Variants in FOXP2 observed in about 807,000 individuals in gnomAD.
FOXP2 encodes forkhead box P2.
FOXP2 carries 12 observed loss-of-function variants against 115.8 expected under a neutral mutation model. The observed-to-expected ratio is 0.10, with a 90% CI of 0.07 to 0.17. The LOEUF is 0.17. Ranked by LOEUF, FOXP2 falls within the 10% of genes least tolerant of loss-of-function variation. FOXP2 has a pLI of 1.00. For synonymous variants in FOXP2, 328 were observed against 297.7 expected (o/e 1.10, Z -1.05); for missense variants, 629 against 843.5 (o/e 0.75, Z 3.15).
intron 2 of FOXP2, among the ~76,000 whole-genome samples, chr7:114,370,994 T>C (rs1180307677): frequency 6.6e-6 from 1 of 152,206 alleles, no homozygotes; most frequent in Non-Finnish European, 1.5e-5. Context: ...TATCTGGAGT[T>C]GTTCTCATAA....
chr7:114,141,245 G>C (rs1792200040), intron 1 of FOXP2, among the ~76,000 whole-genome samples: 1 of 152,226 alleles, frequency 6.6e-6, no homozygotes, highest in East Asian at 1.9e-4. Flanking sequence ...ACGAGTCCCA[G>C]GAAGCAGCAT....
intron 2 of FOXP2, among the ~76,000 whole-genome samples, chr7:114,338,353 AATAAT>A (rs1264572109): frequency 6.6e-6 from 1 of 150,996 alleles, no homozygotes; most frequent in Non-Finnish European, 1.5e-5. Context: ...TTTTATGAGC[AATAAT>A]AAGCTTTTCA....
At chr7:114,370,990 G>A (rs748524099) in intron 2 of FOXP2, among the ~76,000 whole-genome samples, 2 of 152,108 alleles carry the variant, frequency 1.3e-5, no homozygotes, top group Non-Finnish European at 2.9e-5. Context: ...TGCTTATCTG[G>A]AGTTGTTCTC....
chr7:114,562,677 G>A (rs913266766), intron 3 of FOXP2, among the ~76,000 whole-genome samples: 3 of 151,854 alleles, frequency 2.0e-5, no homozygotes, highest in Non-Finnish European at 4.4e-5. Context: ...ATTTCTCTGT[G>A]TGCCTTCCCT....
At chr7:114,617,323 T>C (rs922965924) in intron 3 of FOXP2, among the ~76,000 whole-genome samples, 1 of 152,222 alleles carries the variant, frequency 6.6e-6, no homozygotes, top group Non-Finnish European at 1.5e-5. Flanking sequence ...ACATCCTATA[T>C]ATTACTGTTA....
At chr7:114,437,643 A>G (rs1794415758) in intron 2 of FOXP2, among the ~76,000 whole-genome samples, 1 of 152,184 alleles carries the variant, frequency 6.6e-6, no homozygotes, top group South Asian at 2.1e-4. Flanking sequence ...AATTATTACT[A>G]TTTTTACTAA....
intron 4 of FOXP2, among the ~76,000 whole-genome samples, chr7:114,629,415 A>C (rs1015398818): frequency 6.6e-6 from 1 of 152,194 alleles, no homozygotes; most frequent in African/African-American, 2.4e-5. Context: ...CTGATGGATT[A>C]AGTTTTTTCC....
At chr7:114,653,851 T>C in intron 9 of FOXP2, 75 bp from the exon 10 acceptor site, 1 of 1,409,206 alleles carries the variant, frequency 7.1e-7, no homozygotes, top group Non-Finnish European at 1.0e-6. Flanking sequence ...AGCTCAATGA[T>C]AAGATGTATC....
chr7:114,661,566 ACT>A (rs1477732128), intron 13 of FOXP2, among the ~76,000 whole-genome samples: 3 of 152,000 alleles, frequency 2.0e-5, no homozygotes, highest in East Asian at 1.9e-4. Context: ...GAATAAACAA[ACT>A]CTGTCATTTC....
intron 1 of FOXP2, among the ~76,000 whole-genome samples, chr7:114,109,103 G>T (rs1275600252): frequency 6.6e-6 from 1 of 151,938 alleles, no homozygotes; most frequent in Non-Finnish European, 1.5e-5. Flanking sequence ...ACACCAAAGT[G>T]TCAGATTTTA....
chr7:114,332,610 C>G lies in FOXP2; in HGVS notation c.-11+44501C>G, dbSNP rs917248680. 3.9e-5 allele frequency among the ~76,000 whole-genome samples: 6 copies of G among 152,158 alleles called. No homozygotes were observed. The East Asian group carries it at 1.2e-3, about 29-fold the overall frequency. On this transcript the variant is annotated intron_variant, in intron 2 of 17. Coordinates refer to the FOXP2 transcript ENST00000634411. ...TTTATTTGTCTTTTTCTGAGCATCT[C>G]TTTTTTATTTTCCCTCTCCTGACTG...
chr7:114,155,906 GT>G (rs1792654852), intron 1 of FOXP2, among the ~76,000 whole-genome samples: 1 of 152,126 alleles, frequency 6.6e-6, no homozygotes, highest in African/African-American at 2.4e-5. Flanking sequence ...TTTCTGGGGG[GT>G]TGCATCCCTT....
At chr7:114,187,611 C>G (rs1793646383) in intron 1 of FOXP2, among the ~76,000 whole-genome samples, 3 of 152,194 alleles carry the variant, frequency 2.0e-5, no homozygotes, top group Admixed American at 2.0e-4. Flanking sequence ...TACAGACTTT[C>G]CTATAGCATT....
At chr7:114,150,631 T>G (rs1211245010) in intron 1 of FOXP2, among the ~76,000 whole-genome samples, 1 of 152,064 alleles carries the variant, frequency 6.6e-6, no homozygotes, top group Non-Finnish European at 1.5e-5. Context: ...TGACAAATTT[T>G]TAAGAAATGT....
chr7:114,289,638 G>T (rs751629870), intron 2 of FOXP2, among the ~76,000 whole-genome samples: 16 of 151,848 alleles, frequency 1.1e-4, no homozygotes, highest in Non-Finnish European at 1.9e-4. Context: ...AATCATGAAA[G>T]AAACTATTTT....
intron 2 of FOXP2, among the ~76,000 whole-genome samples, chr7:114,391,021 T>C (rs1792584708): frequency 6.6e-6 from 1 of 152,098 alleles, no homozygotes; most frequent in South Asian, 2.1e-4. Flanking sequence ...ACCCCATCTC[T>C]ACTAAAAATA....
At chr7:114,603,329 C>T (rs965950288) in intron 3 of FOXP2, among the ~76,000 whole-genome samples, 29 of 152,138 alleles carry the variant, frequency 1.9e-4, no homozygotes, top group African/African-American at 7.0e-4. Context: ...AATCTTACAG[C>T]CATGCTTATT....
intron 2 of FOXP2, among the ~76,000 whole-genome samples, chr7:114,441,388 G>A (rs781611024): frequency 3.9e-5 from 6 of 152,102 alleles, no homozygotes; most frequent in Non-Finnish European, 7.3e-5. Flanking sequence ...AAGAGGCGGA[G>A]GTTGCAATAA....
chr7:114,450,590 C>T (rs1012957024), intron 2 of FOXP2, among the ~76,000 whole-genome samples: 4 of 151,998 alleles, frequency 2.6e-5, no homozygotes, highest in African/African-American at 4.8e-5. Flanking sequence ...AGAAAAGTTT[C>T]GGTCAAGAGG....
Sources: allele counts gnomAD v4.1 joint callset (sites outside exome capture counted in the v4.1 genomes callset), GRCh38; gene constraint gnomAD v4.1.1; transcripts MANE v1.5; gene names NCBI Gene and HGNC (gene_info 2026-07-23, HGNC 2026-07-21).